The following USP49 variants were observed in gnomAD, a reference collection of about 807,000 sequenced individuals.
USP49 encodes ubiquitin carboxyl-terminal hydrolase 49.
USP49 carries 24 observed loss-of-function variants against 58.6 expected under a neutral mutation model. The ratio of observed to expected loss-of-function variants is 0.41; its 90% confidence interval spans 0.30 to 0.58. The LOEUF (loss-of-function observed/expected upper bound fraction) is 0.58. USP49 is among the 20% of genes least tolerant of loss of function. USP49 has a pLI of 0.30. For synonymous variants in USP49, 408 were observed against 365.1 expected (o/e 1.12, Z -1.34); for missense variants, 703 against 866.1 (o/e 0.81, Z 2.36).
chr6:41,859,429 C>T (rs1774182074), intron 3 of USP49, among the ~76,000 whole-genome samples: 1 of 152,132 alleles, frequency 6.6e-6, no homozygotes, highest in South Asian at 2.1e-4. Context: ...AGAAATCTTC[C>T]ACTACCCTCC....
chr6:41,807,077 T>TAAAA (rs11393933), intron 3 of USP49, 66 bp from the exon 4 acceptor site: 62 of 1,040,806 alleles, frequency 6.0e-5, no homozygotes, highest in Middle Eastern at 3.7e-4. Flanking sequence ...ATATTTTCCT[T>TAAAA]AAAAAAAAAA....
intron 3 of USP49, among the ~76,000 whole-genome samples, chr6:41,833,979 G>C (rs1158984372): frequency 1.3e-5 from 2 of 152,162 alleles, no homozygotes; most frequent in African/African-American, 4.8e-5. Flanking sequence ...TATATTAAGT[G>C]GGTCCACTTT....
At chr6:41,867,728 G>C (rs1164380986) in intron 3 of USP49, among the ~76,000 whole-genome samples, 2 of 152,004 alleles carry the variant, frequency 1.3e-5, no homozygotes, top group African/African-American at 2.4e-5. Flanking sequence ...CTCCAGCCTG[G>C]GCGACAGAGC....
At chr6:41,824,260 T>C (rs1773499893) in intron 3 of USP49, among the ~76,000 whole-genome samples, 1 of 152,018 alleles carries the variant, frequency 6.6e-6, no homozygotes, top group Non-Finnish European at 1.5e-5. Flanking sequence ...AACAAGAAAA[T>C]GGAGGACACT....
chr6:41,796,185 A>C lies in USP49; in HGVS notation c.*348T>G. On this transcript the variant is annotated 3_prime_UTR_variant, in exon 8 of 8. Transcript: ENST00000682992. The stretch of plus-strand genomic sequence containing the variant: ...CAAGGAGGTCCTGATTAGCAGGGGA[A>C]TCACATCATGGAGAGAAAACATGGC... The C allele has an allele frequency of 4.9e-6, 1 of 204,762 alleles. No individual in the cohort carries two copies. Among genetic ancestry groups the C allele is most frequent in the Non-Finnish European group, 1.0e-5 (1 of 99,180 alleles). 12.7% of individuals were successfully genotyped at this position (204,762 alleles called of 1,614,324 possible).
chr6:41,842,919 T>C (rs1773851798), intron 3 of USP49, among the ~76,000 whole-genome samples: 1 of 151,626 alleles, frequency 6.6e-6, no homozygotes, highest in South Asian at 2.1e-4. Flanking sequence ...TATATATATA[T>C]GATGGAGTCT....
At chr6:41,802,470 T>TTTA (rs1554142822) in intron 5 of USP49, among the ~76,000 whole-genome samples, 1,511 of 85,546 alleles carry the variant, frequency 0.018, 101 homozygotes, top group African/African-American at 0.065. Context: ...ATTTATTTAT[T>TTTA]TTTTATTTAT....
chr6:41,802,481 T>TTTTA (rs1773037257), intron 5 of USP49, among the ~76,000 whole-genome samples: 1 of 72,266 alleles, frequency 1.4e-5, no homozygotes, highest in African/African-American at 6.2e-5. Context: ...TTTTATTTAT[T>TTTTA]TTTTTTTTTT....
At chr6:41,866,777 T>G (rs548006186) in intron 3 of USP49, among the ~76,000 whole-genome samples, 3 of 152,220 alleles carry the variant, frequency 2.0e-5, no homozygotes, top group Non-Finnish European at 4.4e-5. Flanking sequence ...AAGACTTCAT[T>G]GCACACTCGT....
chr6:41,865,113 C>T (rs2127356548), intron 3 of USP49, among the ~76,000 whole-genome samples: 2 of 151,908 alleles, frequency 1.3e-5, no homozygotes, highest in South Asian at 2.1e-4. Context: ...GGTGCAATCT[C>T]GGCTTGTTGC....
chr6:41,816,717 T>TTA (rs1288348996), intron 3 of USP49, among the ~76,000 whole-genome samples: 1 of 151,608 alleles, frequency 6.6e-6, no homozygotes, highest in Non-Finnish European at 1.5e-5. Flanking sequence ...ATTATTATTA[T>TTA]TATTTTATTT....
rs185232065 is a variant in USP49 at position 41,860,770 on chromosome 6, A to G, written c.-29+10794T>C. ...CGTGATCCACCTGCCTCAGCCTCCCAAAGTGCTAGGATTACAGGTGTGAGC... is the reference window on the plus strand; with the variant it reads ...CGTGATCCACCTGCCTCAGCCTCCCGAAGTGCTAGGATTACAGGTGTGAGC... On this transcript the variant is annotated intron_variant, in intron 3 of 7. Coordinates refer to ENST00000682992, the MANE Select transcript of USP49 (RefSeq NM_001286554.2). 6.8e-3 allele frequency among the ~76,000 whole-genome samples: 1,028 copies of G among 152,096 alleles called. 12 individuals carry two copies. The highest frequency in any genetic ancestry group is 0.023 in the African/African-American group (967 of 41,506).
intron 3 of USP49, among the ~76,000 whole-genome samples, chr6:41,821,047 CA>C (rs1256529104): frequency 6.6e-6 from 1 of 151,726 alleles, no homozygotes; most frequent in East Asian, 1.9e-4. Context: ...CTTTTAAAGA[CA>C]AAAAAAGCAA....
At chr6:41,833,267 C>T (rs985898604) in intron 3 of USP49, among the ~76,000 whole-genome samples, 18 of 152,142 alleles carry the variant, frequency 1.2e-4, no homozygotes, top group African/African-American at 3.9e-4. Flanking sequence ...CCGCCCGCCT[C>T]GGCCTCCCAA....
At chr6:41,817,748 TG>T (rs2127331957) in intron 3 of USP49, among the ~76,000 whole-genome samples, 1 of 152,282 alleles carries the variant, frequency 6.6e-6, no homozygotes, top group African/African-American at 2.4e-5. Context: ...CCCAAGTAGC[TG>T]GGACTACAGG....
At chr6:41,833,129 GCC>G (rs1773665405) in intron 3 of USP49, 1 of 150,636 alleles carries the variant, frequency 6.6e-6, no homozygotes, top group Non-Finnish European at 1.5e-5. Flanking sequence ...CCATTCTCCT[GCC>G]TCAGCCTCCC....
intron 3 of USP49, among the ~76,000 whole-genome samples, chr6:41,814,353 G>A (rs185191114): frequency 1.1e-3 from 174 of 152,194 alleles, no homozygotes; most frequent in South Asian, 2.5e-3. Flanking sequence ...ATATCACTAA[G>A]TATTAAATGA....
At chr6:41,884,170 C>T (rs1774666835) in intron 2 of USP49, among the ~76,000 whole-genome samples, 1 of 152,032 alleles carries the variant, frequency 6.6e-6, no homozygotes, top group Non-Finnish European at 1.5e-5. Flanking sequence ...ACCACAGGTG[C>T]GCACCACCAC....
At chr6:41,841,497 A>T (rs1243714967) in intron 3 of USP49, among the ~76,000 whole-genome samples, 1 of 152,196 alleles carries the variant, frequency 6.6e-6, no homozygotes, top group Admixed American at 6.5e-5. Context: ...ATAATCCTGA[A>T]AGATCAAAAT....
Sources: gnomAD v4.1 joint callset for allele counts (sites outside exome capture counted in the v4.1 genomes callset) on GRCh38, gnomAD v4.1.1 for gene constraint, MANE v1.5 for transcripts, NCBI Gene and HGNC (gene_info 2026-07-23, HGNC 2026-07-21) for gene names.